POMGNT1: variants seen among roughly 807,000 people sequenced by gnomAD.
POMGNT1 encodes protein O-linked mannose N-acetylglucosaminyltransferase 1 (beta 1,2-).
POMGNT1 carries 67 observed loss-of-function variants against 95.6 expected under a neutral mutation model. That is an observed-to-expected ratio of 0.70 (90% CI 0.58 to 0.86). POMGNT1 has a LOEUF of 0.86. POMGNT1 is among the 40% of genes least tolerant of loss of function. The pLI is 0.00. For synonymous variants in POMGNT1, 298 were observed against 317.9 expected (o/e 0.94, Z 0.66); for missense variants, 719 against 855.2 (o/e 0.84, Z 1.99).
At chr1:46,197,155 G>T in intron 2 of POMGNT1, 71 bp from the exon 3 acceptor site, 1 of 1,611,206 alleles carries the variant, frequency 6.2e-7, no homozygotes, top group Non-Finnish European at 8.5e-7. Flanking sequence ...CTGAAAGGAG[G>T]GCCCTGGCTG....
intron 2 of POMGNT1, chr1:46,197,428 C>A: frequency 6.7e-7 from 1 of 1,492,172 alleles, no homozygotes; most frequent in Non-Finnish European, 8.9e-7. Flanking sequence ...GGTCCTGGCC[C>A]TAACTGCCTC....
At chr1:46,201,752 A>G (rs1234052148), upstream of POMGNT1, among the ~76,000 whole-genome samples, 2 of 151,896 alleles carry the variant, frequency 1.3e-5, no homozygotes, top group African/African-American at 2.4e-5. Context: ...TATATTGCCA[A>G]TGGGGGAAAG....
chr1:46,191,810 A>G (rs1657789365), intron 17 of POMGNT1: 1 of 372,280 alleles, frequency 2.7e-6, no homozygotes, highest in South Asian at 2.1e-5. Context: ...AATTTTTTGT[A>G]TTTTTAGTAG....
At chr1:46,219,236 G>A (rs1178859312) in intron 1 of POMGNT1, among the ~76,000 whole-genome samples, 8 of 151,616 alleles carry the variant, frequency 5.3e-5, no homozygotes, top group Non-Finnish European at 7.4e-5. Context: ...CGGAGGTTGC[G>A]GTGAGCTGAG....
At chr1:46,209,312 C>A (rs1658820494) in intron 1 of POMGNT1, among the ~76,000 whole-genome samples, 1 of 152,074 alleles carries the variant, frequency 6.6e-6, no homozygotes, top group African/African-American at 2.4e-5. Context: ...AGCCACCGCC[C>A]CCTGCCAAAG....
chr1:46,201,613 C>T (rs1401424423), upstream of POMGNT1, among the ~76,000 whole-genome samples: 4 of 149,034 alleles, frequency 2.7e-5, no homozygotes, highest in African/African-American at 5.0e-5. Flanking sequence ...GCAGGAGAAT[C>T]GCTTGAACCC....
chr1:46,195,359 TACTC>T (rs1658149428), intron 6 of POMGNT1: 1 of 375,950 alleles, frequency 2.7e-6, no homozygotes, highest in Non-Finnish European at 5.1e-6. Context: ...TTCCTCCAGA[TACTC>T]ACCTGGCTCA....
rs771044506 is a variant in POMGNT1 at position 46,190,569 on chromosome 1, A to AT, written c.1605-53dup. The AT allele has an allele frequency of 7.1e-6, 11 of 1,546,968 alleles. No homozygotes were observed. In the South Asian group the frequency reaches 1.2e-4, roughly 17 times the overall value. ...GGGAGTGGGCAGGCCCTCAGGTCCC[A>AT]TGGGTAGCACTGAGCAGGGCAAGGG... On this transcript the variant is annotated intron_variant, in intron 18 of 21. Coordinates refer to ENST00000371984, the MANE Select transcript of POMGNT1 (RefSeq NM_017739.4).
Position 46,194,360 on chromosome 1 carries a change from G to A in POMGNT1, c.793C>T (p.Arg265Cys), listed in dbSNP as rs774752168. The A allele has an allele frequency of 9.3e-6, 15 of 1,614,202 alleles. No individual in the cohort carries two copies. Among genetic ancestry groups the A allele is most frequent in the Admixed American group, 1.7e-5 (1 of 60,028 alleles). Residue 265 changes from arginine to cysteine, a missense_variant, in exon 9 of 22, where the codon CGC becomes TGC. Transcript: ENST00000371984. ...HWADTELNRR[R>C]RRFCSKVEGY... is the part of the protein sequence containing the mutation. ...TCAACTTTGCTGCAGAAGCGCCGGC[G>A]GCGACGGTTCAGCTCTGTGTCTGCC...
At chr1:46,220,264 T>G in exon 1 of POMGNT1, 2 of 1,539,054 alleles carry the variant, frequency 1.3e-6, no homozygotes, top group Middle Eastern at 1.7e-4. Flanking sequence ...TTTTATCCAT[T>G]AGATGTGGTC....
At chr1:46,202,168 G>C (rs1241738175), upstream of POMGNT1, among the ~76,000 whole-genome samples, 1 of 151,132 alleles carries the variant, frequency 6.6e-6, no homozygotes, top group Non-Finnish European at 1.5e-5. Flanking sequence ...GGTGTGAAAG[G>C]GTAGGGTAGG....
chr1:46,192,712 C>A, intron 14 of POMGNT1, 122 bp from the exon 15 acceptor site: 1 of 1,597,784 alleles, frequency 6.3e-7, no homozygotes, highest in South Asian at 1.1e-5. Flanking sequence ...CTCCTTCCCC[C>A]AAATCCCCAC....
At chr1:46,203,581 G>A (rs1338568659) in intron 1 of POMGNT1, 18 of 1,582,646 alleles carry the variant, frequency 1.1e-5, no homozygotes, top group Middle Eastern at 1.7e-4. Flanking sequence ...TCTAGCACCG[G>A]CCACGACTTG....
chr1:46,205,443 G>A (rs1658681048), intron 1 of POMGNT1, among the ~76,000 whole-genome samples: 5 of 152,190 alleles, frequency 3.3e-5, no homozygotes, highest in Non-Finnish European at 7.3e-5. Flanking sequence ...CCTGCTTTGT[G>A]CCAGATAGTC....
chr1:46,206,160 T>C (rs1334612850), intron 1 of POMGNT1, among the ~76,000 whole-genome samples: 1 of 152,242 alleles, frequency 6.6e-6, no homozygotes. Context: ...GAAAAAGCTT[T>C]AGGCAAGGAA....
rs773221879 is a variant in POMGNT1 at position 46,189,260 on chromosome 1, G to A, written c.*10C>T. On this transcript the variant is annotated 3_prime_UTR_variant, in exon 22 of 22. Coordinates refer to ENST00000371984, the MANE Select transcript of POMGNT1 (RefSeq NM_017739.4). ...ACAGTACCCAGCCCCGCAGGGTCCT[G>A]GAGGAGGTCTCATGTCTGTTCTGGG... is the stretch of plus-strand genomic sequence containing the variant. The A allele has an allele frequency of 1.2e-6, 2 of 1,612,566 alleles. No individual in the cohort carries two copies. Among genetic ancestry groups the A allele is most frequent in the East Asian group, 2.2e-5 (1 of 44,872 alleles).
chr1:46,192,233 A>G lies in POMGNT1; in HGVS notation c.1414-10T>C. 1 of 1,614,224 alleles carries G rather than the reference A, an allele frequency of 6.2e-7. No homozygotes were observed. Among genetic ancestry groups the G allele is most frequent in the Non-Finnish European group, 8.5e-7 (1 of 1,180,048 alleles). On this transcript the variant is annotated splice_polypyrimidine_tract_variant and intron_variant, in intron 16 of 21. Transcript: ENST00000371984. ...TGTCCCAATCCCAGAGCTGGCAGACATGGACCACGATGAAGGTTAAGATGT... is the reference window on the plus strand; with the variant it reads ...TGTCCCAATCCCAGAGCTGGCAGACGTGGACCACGATGAAGGTTAAGATGT...
chr1:46,194,864 G>T lies in POMGNT1; in HGVS notation c.632C>A (p.Ala211Asp). Residue 211 changes from alanine (A) to aspartate (D), a missense_variant, in exon 7 of 22, where the codon GCC becomes GAC. Around this residue, in one of 5 missense-constraint regions of POMGNT1, gnomAD observed 466 missense variants for 517.4 expected, o/e 0.90. Transcript: ENST00000371984. ...GPALGWRDTW[A>D]FVGRKGGPVF... is the part of the protein sequence containing the mutation. ...GGCACCTCCTTTTCGTCCCACGAAGGCCCATGTGTCCCTCCAGCCCAGGGC... is the reference window on the plus strand; with the variant it reads ...GGCACCTCCTTTTCGTCCCACGAAGTCCCATGTGTCCCTCCAGCCCAGGGC... The T allele has an allele frequency of 6.2e-7, 1 of 1,614,074 alleles. No homozygotes were observed. Among genetic ancestry groups the T allele is most frequent in the South Asian group, 1.1e-5 (1 of 91,078 alleles).
rs754452122 is a variant in POMGNT1 at position 46,189,449 on chromosome 1, G to A, written c.1895+9C>T. 2 of 1,613,478 alleles carry A rather than the reference G, an allele frequency of 1.2e-6. No homozygotes were observed. Among genetic ancestry groups the A allele is most frequent in the Non-Finnish European group, 8.5e-7 (1 of 1,179,736 alleles). On this transcript the variant is annotated intron_variant, in intron 21 of 21. Transcript: ENST00000371984. ...CTCCTGTTTCCCAGGGCAGAAAAGG[G>A]TCACTCACGAGTAGGGGGAAGCCGG... is the stretch of plus-strand genomic sequence containing the variant.
Sources: gnomAD v4.1 joint callset for allele counts (sites outside exome capture counted in the v4.1 genomes callset) on GRCh38, gnomAD v4.1.1 for gene constraint, gnomAD v4.1.1 regional missense constraint, MANE v1.5 for transcripts, NCBI Gene and HGNC (gene_info 2026-07-23, HGNC 2026-07-21) for gene names.